Variants in SLC4A4 observed in about 807,000 individuals in gnomAD.
The protein encoded by SLC4A4 is electrogenic sodium bicarbonate cotransporter 1.
Under a neutral mutation model 111.5 loss-of-function variants are expected in SLC4A4, and 27 were observed. The ratio of observed to expected loss-of-function variants is 0.24; its 90% CI spans 0.18 to 0.33. The LOEUF (loss-of-function observed/expected upper bound fraction) is 0.33. Ranked by LOEUF, SLC4A4 falls within the 10% of genes least tolerant of loss-of-function variation. The pLI, the probability that SLC4A4 is intolerant of heterozygous loss-of-function variation, is 1.00. For missense variants in SLC4A4, 909 were observed against 1,315.5 expected, an observed-to-expected ratio of 0.69 and a Z score of 4.78; for synonymous variants, 443 against 463.4, an observed-to-expected ratio of 0.96 and a Z score of 0.57.
rs375765213 is a variant in SLC4A4 at position 71,453,657 on chromosome 4, T to G, written c.1485T>G (p.Thr495=). 2 of 1,613,758 alleles carry G rather than the reference T, an allele frequency of 1.2e-6. No homozygotes were observed. The highest frequency in any genetic ancestry group is 3.3e-5 in the Admixed American group (2 of 59,966). Residue 495 remains threonine (T), a synonymous_variant, in exon 12 of 26, where the codon ACT becomes ACG. Coordinates refer to ENST00000264485, the MANE Select transcript of SLC4A4 (RefSeq NM_001098484.3). ...TTGGAGGACTGCTTGGGGATGCCACTGACAACATGCAGGTGGGTATGGTTT... is the reference window on the plus strand; with the variant it reads ...TTGGAGGACTGCTTGGGGATGCCACGGACAACATGCAGGTGGGTATGGTTT... ...ITFGGLLGDA[T]DNMQGVLESF...
At chr4:71,430,598 T>C (rs1179766491) in intron 7 of SLC4A4, among the ~76,000 whole-genome samples, 1 of 152,158 alleles carries the variant, frequency 6.6e-6, no homozygotes, top group Non-Finnish European at 1.5e-5. Flanking sequence ...ATTTAGTGGC[T>C]TATGAAACTG....
At chr4:71,333,299 C>T (rs528294525) in intron 3 of SLC4A4, among the ~76,000 whole-genome samples, 15 of 152,230 alleles carry the variant, frequency 9.9e-5, no homozygotes, top group Non-Finnish European at 1.8e-4. Flanking sequence ...GGTTTACCAC[C>T]TTTGTGGTTG....
chr4:71,088,577 G>T (rs577525333), intron 1 of SLC4A4, among the ~76,000 whole-genome samples: 11 of 152,098 alleles, frequency 7.2e-5, no homozygotes, highest in Admixed American at 7.2e-4. Context: ...GCTTCCTTCA[G>T]GAGCTCTTTT....
chr4:71,135,736 C>G (rs1294393776), intron 2 of SLC4A4, among the ~76,000 whole-genome samples: 1 of 152,076 alleles, frequency 6.6e-6, no homozygotes, highest in South Asian at 2.1e-4. Flanking sequence ...CCAATCCCCA[C>G]CACCCCACCC....
chr4:71,113,134 G>A (rs986392667), intron 2 of SLC4A4, among the ~76,000 whole-genome samples: 3 of 152,178 alleles, frequency 2.0e-5, no homozygotes, highest in African/African-American at 7.2e-5. Flanking sequence ...GAAACTGAGT[G>A]GAGGAGGCTC....
At chr4:71,185,309 A>T (rs960178848), upstream of SLC4A4, among the ~76,000 whole-genome samples, 5 of 152,246 alleles carry the variant, frequency 3.3e-5, no homozygotes, top group Admixed American at 3.3e-4. Context: ...TACAAAAGTG[A>T]CTTCCCTTTG....
At chr4:71,200,144 G>A (rs1366596582) in intron 1 of SLC4A4, among the ~76,000 whole-genome samples, 1 of 152,108 alleles carries the variant, frequency 6.6e-6, no homozygotes, top group Non-Finnish European at 1.5e-5. Context: ...GCAGGGGTGG[G>A]ATGATGTGAA....
intron 7 of SLC4A4, among the ~76,000 whole-genome samples, chr4:71,408,096 T>C (rs546486480): frequency 6.6e-6 from 1 of 152,342 alleles, no homozygotes; most frequent in African/African-American, 2.4e-5. Context: ...AAACTTACAA[T>C]CTGAGATCAT....
At chr4:71,302,871 A>G (rs1205117613) in intron 3 of SLC4A4, among the ~76,000 whole-genome samples, 1 of 152,244 alleles carries the variant, frequency 6.6e-6, no homozygotes, top group Non-Finnish European at 1.5e-5. Flanking sequence ...ATCAAAGTCT[A>G]TACTCTACCC....
At position 71,194,375 on chromosome 4, in the gene SLC4A4, A is replaced by G. The variant is rs531085182; in HGVS notation, c.-2+6974A>G. 1.1e-4 allele frequency among the ~76,000 whole-genome samples: 16 copies of G among 152,326 alleles called. No individual in the cohort carries two copies. In the East Asian group the frequency reaches 3.1e-3, roughly 29 times the overall value. On this transcript the variant is annotated intron_variant, in intron 1 of 25. Coordinates refer to ENST00000264485, the MANE Select transcript of SLC4A4 (RefSeq NM_001098484.3). ...GCCAGCACTGAGAACAGTTCCTGGCATATTAATAAATGTTTGTTGGCTGAA... is the reference window on the plus strand; with the variant it reads ...GCCAGCACTGAGAACAGTTCCTGGCGTATTAATAAATGTTTGTTGGCTGAA...
At chr4:71,567,200 T>A in intron 25 of SLC4A4, 117 bp downstream of exon 25, 1 of 836,350 alleles carries the variant, frequency 1.2e-6, no homozygotes. Flanking sequence ...TTATTTATCT[T>A]AAATAAATTA....
At chr4:71,397,375 A>T (rs1433368893) in intron 6 of SLC4A4, among the ~76,000 whole-genome samples, 1 of 152,212 alleles carries the variant, frequency 6.6e-6, no homozygotes, top group Non-Finnish European at 1.5e-5. Flanking sequence ...TAAACAAGGT[A>T]TTTGAGATTT....
At chr4:71,302,080 G>A (rs1214519957) in intron 3 of SLC4A4, among the ~76,000 whole-genome samples, 1 of 152,150 alleles carries the variant, frequency 6.6e-6, no homozygotes, top group African/African-American at 2.4e-5. Context: ...ATTGATAATT[G>A]TAGAAATGGG....
At chr4:71,181,502 AT>A (rs1169629663) in intron 2 of SLC4A4, among the ~76,000 whole-genome samples, 15 of 152,336 alleles carry the variant, frequency 9.8e-5, no homozygotes, top group South Asian at 4.1e-4. Context: ...GCACATGCAA[AT>A]AAATACACAG....
chr4:71,249,622 C>T (rs1720917180), intron 2 of SLC4A4, among the ~76,000 whole-genome samples: 2 of 152,268 alleles, frequency 1.3e-5, no homozygotes, highest in East Asian at 1.9e-4. Context: ...AGCGTGGTGG[C>T]TTGTGCCTGT....
intron 2 of SLC4A4, among the ~76,000 whole-genome samples, chr4:71,181,772 C>T (rs554985051): frequency 2.0e-5 from 3 of 152,282 alleles, no homozygotes; most frequent in East Asian, 1.9e-4. Context: ...GATTTGTCCT[C>T]GAACATTCCT....
At chr4:71,384,704 T>G (rs1165233582) in intron 6 of SLC4A4, among the ~76,000 whole-genome samples, 2 of 152,060 alleles carry the variant, frequency 1.3e-5, no homozygotes, top group African/African-American at 4.8e-5. Flanking sequence ...TACATTTGTA[T>G]TATTATTTCT....
rs1447145249 is a variant in SLC4A4 at position 71,438,270 on chromosome 4, C to T, written c.808-2346C>T. ...TTATTTTTGTCATGGTGCTCAAACA[C>T]GCTGAAACTAAGTACGATAGATGCA... On this transcript the variant is annotated intron_variant, in intron 7 of 25. Transcript: ENST00000264485. Among the ~76,000 whole-genome samples, 9 of 152,294 alleles carry T rather than the reference C, an allele frequency of 5.9e-5. No homozygotes were observed. In the East Asian group the frequency reaches 1.7e-3, roughly 29 times the overall value.
intron 2 of SLC4A4, among the ~76,000 whole-genome samples, chr4:71,144,980 C>G (rs1471865925): frequency 1.3e-5 from 2 of 152,024 alleles, no homozygotes; most frequent in Non-Finnish European, 2.9e-5. Context: ...ACTTCCAACA[C>G]TATGTGGAAT....
Sources: allele counts gnomAD v4.1 joint callset (sites outside exome capture counted in the v4.1 genomes callset), GRCh38; gene constraint gnomAD v4.1.1; transcripts MANE v1.5; gene names NCBI Gene and HGNC (gene_info 2026-07-23, HGNC 2026-07-21).